The following LRRC4B variants were observed in gnomAD, a reference collection of about 807,000 sequenced individuals.
LRRC4B encodes the protein leucine-rich repeat-containing protein 4B.
In LRRC4B, 1 loss-of-function variant was observed where a neutral mutation model predicts 7.3. That is an observed-to-expected ratio of 0.14 (90% CI 0.05 to 0.65). The LOEUF (loss-of-function observed/expected upper bound fraction) is 0.65. LRRC4B is among the 30% of genes least tolerant of loss of function. The pLI is 0.84. For synonymous variants in LRRC4B, 500 were observed against 499.2 expected, an observed-to-expected ratio of 1.00 and a Z score of -0.02; for missense variants, 730 against 1,041.6, an observed-to-expected ratio of 0.70 and a Z score of 4.12.
At chr19:50,567,659 C>T (rs1410223374) in intron 1 of LRRC4B, among the ~76,000 whole-genome samples, 2 of 149,802 alleles carry the variant, frequency 1.3e-5, no homozygotes, top group Non-Finnish European at 3.0e-5. Context: ...CAGCTGGATA[C>T]GCAGCGACCG....
At chr19:50,557,191 G>A (rs1306139885) in intron 1 of LRRC4B, among the ~76,000 whole-genome samples, 4 of 152,184 alleles carry the variant, frequency 2.6e-5, no homozygotes, top group Non-Finnish European at 5.9e-5. Context: ...AGGCGGTGTA[G>A]GAGGTGAGGG....
intron 1 of LRRC4B, chr19:50,558,097 A>G (rs1490102554): frequency 6.6e-6 from 1 of 152,104 alleles, no homozygotes; most frequent in Non-Finnish European, 1.5e-5. Flanking sequence ...GAACACTATT[A>G]GGAGTTAAGT....
intron 2 of LRRC4B, among the ~76,000 whole-genome samples, chr19:50,526,903 G>T (rs965046084): frequency 6.6e-6 from 1 of 150,604 alleles, no homozygotes; most frequent in Non-Finnish European, 1.5e-5. Context: ...GCCCAGGATG[G>T]AGTGCAGTGG....
intron 2 of LRRC4B, among the ~76,000 whole-genome samples, chr19:50,534,686 C>A (rs1359916210): frequency 6.6e-6 from 1 of 152,090 alleles, no homozygotes; most frequent in Non-Finnish European, 1.5e-5. Flanking sequence ...TGCAACTTGG[C>A]CTGTGTAGGG....
rs914008402 is a variant in LRRC4B, at chr19:50,517,359, C to A, written c.*212G>T. 5.0e-6 allele frequency: 2 copies of A among 399,906 alleles called. No homozygotes were observed. Among genetic ancestry groups the A allele is most frequent in the Non-Finnish European group, 8.7e-6 (2 of 231,068 alleles). The allele number at this position is 399,906 out of a possible 1,614,324, so 24.8% of individuals were successfully genotyped here. A position where few individuals can be genotyped will look rare whatever the true frequency, so the allele number is the denominator to read the frequency against. ...TCACCGGGGATTGGCGGGGGTGAGG[C>A]GAGGATCCCAGAGACTCCGCTCCTG... On this transcript the variant is annotated 3_prime_UTR_variant, in exon 3 of 3. Coordinates refer to ENST00000652263, the MANE Select transcript of LRRC4B (RefSeq NM_001080457.2). This position sits in a 1 kb window ranked among gnomAD's most constrained non-coding sequence, Gnocchi z 6.6.
At chr19:50,530,258 G>A (rs1016003730) in intron 2 of LRRC4B, among the ~76,000 whole-genome samples, 18 of 152,102 alleles carry the variant, frequency 1.2e-4, no homozygotes, top group South Asian at 4.1e-4. Flanking sequence ...AGACGCCTCC[G>A]GGGCTCCCCA....
At chr19:50,520,248 G>GAA (rs1163666534) in intron 2 of LRRC4B, among the ~76,000 whole-genome samples, 4 of 14,452 alleles carry the variant, frequency 2.8e-4, no homozygotes, top group East Asian at 3.9e-3. Context: ...AAAAAAAAAA[G>GAA]AAGAAAAGAA....
In LRRC4B at chr19:50,518,219, C is replaced by A. The variant is rs1980385584; in HGVS notation, c.1494G>T (p.Gln498His). ...GCGGCTGCAGGGCCTCCTCTCCGGG[C>A]TGCGTCTCCAGGGTCTCCACGGTCA... is the stretch of plus-strand genomic sequence containing the variant. ...TTVTVETLET[Q>H]PGEEALQPRG... The change falls in exon 3 of 3, where the codon CAG (glutamine) becomes CAT (histidine). Residue 498 changes from glutamine to histidine, a missense_variant. By Grantham distance (24) the Gln-to-His change is conservative. Transcript: ENST00000652263. 6.2e-7 allele frequency: 1 copy of A among 1,609,030 alleles called. No individual in the cohort carries two copies. The highest frequency in any genetic ancestry group is 8.5e-7 in the Non-Finnish European group (1 of 1,178,694).
At chr19:50,559,312 T>A (rs1451020223) in intron 1 of LRRC4B, among the ~76,000 whole-genome samples, 1 of 151,962 alleles carries the variant, frequency 6.6e-6, no homozygotes, top group Non-Finnish European at 1.5e-5. Flanking sequence ...CGGGCGTCCA[T>A]AATCCCAGCT....
chr19:50,527,406 C>T (rs565338148), intron 2 of LRRC4B, among the ~76,000 whole-genome samples: 1 of 141,094 alleles, frequency 7.1e-6, no homozygotes, highest in African/African-American at 2.7e-5. Context: ...CAGGTGGTCT[C>T]GAATTTCTGA....
At chr19:50,552,865 C>G (rs1345056458) in intron 1 of LRRC4B, among the ~76,000 whole-genome samples, 1 of 152,214 alleles carries the variant, frequency 6.6e-6, no homozygotes, top group African/African-American at 2.4e-5. Flanking sequence ...CCCAGGACAC[C>G]CATGGGCCAC....
At chr19:50,557,405 C>T (rs542062317) in intron 1 of LRRC4B, among the ~76,000 whole-genome samples, 1 of 152,344 alleles carries the variant, frequency 6.6e-6, no homozygotes, top group East Asian at 1.9e-4. Flanking sequence ...ACACCGCCCA[C>T]CCGGCTCCCG....
chr19:50,562,393 G>C (rs529773304), intron 1 of LRRC4B, among the ~76,000 whole-genome samples: 2 of 151,842 alleles, frequency 1.3e-5, no homozygotes, highest in Non-Finnish European at 2.9e-5. Context: ...AGGAATACAC[G>C]GAAAAAATCC....
chr19:50,535,169 G>A (rs11880142), intron 2 of LRRC4B, among the ~76,000 whole-genome samples: 62,317 of 151,454 alleles, frequency 0.41, 14,517 homozygotes, highest in African/African-American at 0.64. Flanking sequence ...CGCCCGGCCT[G>A]TTTATTTATT....
rs1051077040 is a variant in LRRC4B at position 50,517,682 on chromosome 19, G to A, written c.2031C>T (p.Asn677=). Reference sequence around the variant, plus strand: ...TGCCCCCGCAGCCCCCGCCGCTGGGGTTGCTGCTGTAGTGCGCCTTGAAGG... The same window carrying A: ...TGCCCCCGCAGCCCCCGCCGCTGGGATTGCTGCTGTAGTGCGCCTTGAAGG... ...AAAFKAHYSS[N]PSGGGCGGKG... is the part of the protein sequence containing the mutation. Residue 677 remains asparagine (N), a synonymous_variant, in exon 3 of 3, where the codon AAC becomes AAT. Coordinates refer to ENST00000652263, the MANE Select transcript of LRRC4B (RefSeq NM_001080457.2). This position sits in a 1 kb window ranked among gnomAD's most constrained non-coding sequence, Gnocchi z 6.6. The A allele has an allele frequency of 1.3e-6, 2 of 1,543,722 alleles. No individual in the cohort carries two copies. Among genetic ancestry groups the A allele is most frequent in the Admixed American group, 4.2e-5 (2 of 47,638 alleles).
chr19:50,549,141 TGG>T (rs1003686242), intron 1 of LRRC4B, among the ~76,000 whole-genome samples: 10 of 152,106 alleles, frequency 6.6e-5, no homozygotes, highest in Non-Finnish European at 1.3e-4. Context: ...AAACTGAGGC[TGG>T]GGGAGAGGAA....
At chr19:50,551,418 TC>T (rs1189796347) in intron 1 of LRRC4B, among the ~76,000 whole-genome samples, 1 of 147,206 alleles carries the variant, frequency 6.8e-6, no homozygotes, top group Non-Finnish European at 1.5e-5. Flanking sequence ...AGTTCTCTGC[TC>T]CCCTCCCCGC....
chr19:50,557,322 C>T (rs950445036), intron 1 of LRRC4B, among the ~76,000 whole-genome samples: 2 of 152,150 alleles, frequency 1.3e-5, no homozygotes, highest in African/African-American at 4.8e-5. Flanking sequence ...CACAGGCCCC[C>T]CAGCCCCAAT....
At chr19:50,527,257 C>A (rs1010076516) in intron 2 of LRRC4B, among the ~76,000 whole-genome samples, 1 of 151,894 alleles carries the variant, frequency 6.6e-6, no homozygotes, top group Non-Finnish European at 1.5e-5. Context: ...CGGTCTCGAT[C>A]TCCTGACCTC....
Sources: allele counts gnomAD v4.1 joint callset (sites outside exome capture counted in the v4.1 genomes callset), GRCh38; gene constraint gnomAD v4.1.1; non-coding constraint Gnocchi (gnomAD v3.1); transcripts MANE v1.5; gene names NCBI Gene and HGNC (gene_info 2026-07-23, HGNC 2026-07-21).